The following ZNF454 variants were observed in gnomAD, a reference collection of about 807,000 sequenced individuals.
ZNF454 encodes zinc finger protein 454.
In ZNF454, 30 loss-of-function variants were observed where a neutral mutation model predicts 48.2. That is an observed-to-expected ratio of 0.62 (90% confidence interval 0.47 to 0.84). The LOEUF is 0.84. ZNF454 is among the 40% of genes least tolerant of loss of function. The pLI, the probability that ZNF454 is intolerant of heterozygous loss-of-function variation, is 0.00. For missense variants in ZNF454, 510 were observed against 623.1 expected (o/e 0.82, Z 1.93); for synonymous variants, 204 against 211.4 (o/e 0.97, Z 0.30).
chr5:178,951,020 C>T (rs531832572), intron 4 of ZNF454, among the ~76,000 whole-genome samples: 42 of 152,058 alleles, frequency 2.8e-4, no homozygotes, highest in Non-Finnish European at 4.4e-4. Context: ...CCACCACGCC[C>T]GGCTAATTTT....
chr5:178,987,074 G>C, the ZNF454 span: 5 of 1,340,412 alleles, frequency 3.7e-6, no homozygotes, highest in African/African-American at 7.2e-5. Flanking sequence ...GAGAAAGGAG[G>C]AGCTTAACAA....
chr5:178,943,708 T>C (rs1364904621), intron 2 of ZNF454, among the ~76,000 whole-genome samples: 1 of 152,196 alleles, frequency 6.6e-6, no homozygotes, highest in Non-Finnish European at 1.5e-5. Flanking sequence ...CCTAAAACGC[T>C]TTGAGCAGTC....
Position 178,965,930 on chromosome 5 carries a change from C to A in ZNF454, c.1526C>A (p.Ala509Glu), listed in dbSNP as rs746050852. The change falls in exon 5 of 5, where the codon GCA (alanine) becomes GAA (glutamate). Residue 509 changes from alanine to glutamate, a missense_variant. This residue lies in a region of ZNF454 where 153 missense variants were observed against 195.8 expected (regional missense o/e 0.78). Transcript: ENST00000519564. The surrounding 1 kb of genome is among the most constrained non-coding windows in gnomAD (Gnocchi z 5.2). Reference sequence around the variant, plus strand: ...TGTGGGAAAGCTTTTAACCAGACTGCAAACCTCATTCAGCATCAGAGACAT... The same window carrying A: ...TGTGGGAAAGCTTTTAACCAGACTGAAAACCTCATTCAGCATCAGAGACAT... ...NKCGKAFNQT[A>E]NLIQHQRHHI... is the part of the protein sequence containing the mutation. The A allele has an allele frequency of 6.2e-7, 1 of 1,602,080 alleles. No individual in the cohort carries two copies. The highest frequency in any genetic ancestry group is 1.3e-5 in the African/African-American group (1 of 74,226).
intron 4 of ZNF454, among the ~76,000 whole-genome samples, chr5:178,955,018 GT>G (rs1759692550): frequency 6.6e-6 from 1 of 152,356 alleles, no homozygotes; most frequent in South Asian, 2.1e-4. Flanking sequence ...TCTTGTGTAA[GT>G]TTTTGTGGAT....
At chr5:178,985,712 A>C in the ZNF454 span, 141 of 414,488 alleles carry the variant, frequency 3.4e-4, 1 homozygote, top group Non-Finnish European at 8.5e-5. Flanking sequence ...AAAAAAAAAA[A>C]AACAAAACAA....
At chr5:178,969,218 G>C (rs780939857), downstream of ZNF454, among the ~76,000 whole-genome samples, 3 of 152,132 alleles carry the variant, frequency 2.0e-5, no homozygotes, top group African/African-American at 7.2e-5. Context: ...TTTCTCACGT[G>C]GATGATACTG....
chr5:178,983,029 G>A, the ZNF454 span: 28 of 1,613,718 alleles, frequency 1.7e-5, no homozygotes, highest in South Asian at 4.4e-5. Context: ...GGCACGCCAC[G>A]GGCCTTGATG....
rs561810226 is a variant in ZNF454, at chr5:178,962,979, A to T, written c.251-1676A>T. 4.0e-5 allele frequency among the ~76,000 whole-genome samples: 6 copies of T among 151,752 alleles called. No individual in the cohort carries two copies. The Admixed American group carries it at 4.0e-4, about 10-fold the overall frequency. On this transcript the variant is annotated intron_variant, in intron 4 of 4. Transcript: ENST00000519564. ...CAGGAGTCCCGGCTGAGAGCTTCAC[A>T]TGTTATTATGACCTCTCCTTGGAAG...
chr5:178,987,220 G>T, the ZNF454 span: 1 of 664,932 alleles, frequency 1.5e-6, no homozygotes, highest in South Asian at 1.5e-5. Flanking sequence ...CCTTGTGCAC[G>T]GTGGGTGGGA....
chr5:178,970,696 G>A (rs1315282422), downstream of ZNF454, among the ~76,000 whole-genome samples: 6 of 152,032 alleles, frequency 3.9e-5, no homozygotes, highest in South Asian at 1.0e-3. Flanking sequence ...TCCTGACCTC[G>A]TGATCCACTT....
chr5:178,985,169 C>T, the ZNF454 span: 3 of 427,978 alleles, frequency 7.0e-6, no homozygotes, highest in South Asian at 5.1e-5. Context: ...CAGAGACTCC[C>T]TTGTGGAAAC....
chr5:178,989,758 G>A, the ZNF454 span: 1 of 380,902 alleles, frequency 2.6e-6, no homozygotes, highest in East Asian at 6.4e-5. Context: ...ATGCTGCTGT[G>A]AAGATGTAAT....
chr5:178,970,417 G>GC (rs1193014945), downstream of ZNF454, among the ~76,000 whole-genome samples: 1 of 152,110 alleles, frequency 6.6e-6, no homozygotes, highest in African/African-American at 2.4e-5. Context: ...AGAACGCAAG[G>GC]CTTGGTTGTT....
the ZNF454 span, chr5:178,988,900 CCTT>C: frequency 3.2e-6 from 5 of 1,556,194 alleles, no homozygotes; most frequent in Non-Finnish European, 4.4e-6. This position sits in a 1 kb window ranked among gnomAD's most constrained non-coding sequence, Gnocchi z 6.0. Context: ...CCCCAGCTGT[CCTT>C]CACTGCTGCA....
At chr5:178,985,819 T>G in the ZNF454 span, 2 of 523,492 alleles carry the variant, frequency 3.8e-6, no homozygotes, top group Non-Finnish European at 7.1e-6. Context: ...TGGATTGTAG[T>G]GGTGCGATCT....
intron 4 of ZNF454, among the ~76,000 whole-genome samples, chr5:178,952,469 A>G (rs1236652951): frequency 6.6e-6 from 1 of 152,136 alleles, no homozygotes; most frequent in East Asian, 1.9e-4. Context: ...AGGAATCTCT[A>G]CTTTATCAGT....
At chr5:178,964,610 T>A (rs1285280489) in intron 4 of ZNF454, 45 bp from the exon 5 acceptor site, 9 of 1,473,950 alleles carry the variant, frequency 6.1e-6, no homozygotes, top group Non-Finnish European at 8.4e-6. Context: ...CATCCAAATG[T>A]TTTGCTAGGG....
At chr5:178,986,569 A>G in the ZNF454 span, 1 of 1,607,666 alleles carries the variant, frequency 6.2e-7, no homozygotes, top group Non-Finnish European at 8.5e-7. Flanking sequence ...CGTGGGCCTC[A>G]TGTCCCCAGG....
At chr5:178,989,693 C>G in the ZNF454 span, 1 of 520,382 alleles carries the variant, frequency 1.9e-6, no homozygotes, top group South Asian at 2.1e-5. Flanking sequence ...CTGATGCAAA[C>G]TCAGAGCCTC....
Sources: allele counts gnomAD v4.1 joint callset (sites outside exome capture counted in the v4.1 genomes callset), GRCh38; gene constraint gnomAD v4.1.1; regional missense constraint gnomAD v4.1.1; non-coding constraint Gnocchi (gnomAD v3.1); transcripts MANE v1.5; gene names NCBI Gene and HGNC (gene_info 2026-07-23, HGNC 2026-07-21).